The following ESR1 variants were observed in gnomAD, a reference collection of about 807,000 sequenced individuals.
The protein encoded by ESR1 is estrogen receptor 1, also known as estrogen receptor.
In ESR1, 12 loss-of-function variants were observed where a neutral mutation model predicts 52.7. That is an observed-to-expected ratio of 0.23 (90% CI 0.15 to 0.37). ESR1 has a LOEUF of 0.37. ESR1 is among the 10% of genes least tolerant of loss of function. The probability of loss-of-function intolerance (pLI) is 1.00; values close to 1 mark genes in which losing one functional copy is unlikely to be tolerated. For missense variants in ESR1, 584 were observed against 779.7 expected (o/e 0.75, Z 2.99); for synonymous variants, 305 against 316.8 (o/e 0.96, Z 0.39).
intron 2 of ESR1, among the ~76,000 whole-genome samples, chr6:151,863,187 T>C (rs1789209336): frequency 6.6e-6 from 1 of 152,136 alleles, no homozygotes; most frequent in African/African-American, 2.4e-5. Context: ...ATGAAAGTCA[T>C]TGGTAGCTTG....
chr6:151,719,734 C>T (rs761695425), intron 2 of ESR1, among the ~76,000 whole-genome samples: 1 of 152,170 alleles, frequency 6.6e-6, no homozygotes, highest in Non-Finnish European at 1.5e-5. Flanking sequence ...TGGTGATCTT[C>T]CCTTAGATCA....
At chr6:151,762,518 T>C (rs1317205936) in intron 2 of ESR1, among the ~76,000 whole-genome samples, 2 of 152,230 alleles carry the variant, frequency 1.3e-5, no homozygotes, top group Non-Finnish European at 2.9e-5. Flanking sequence ...TCTATGACCT[T>C]GGATGAGTTT....
chr6:151,899,838 T>G (rs1448609528), intron 3 of ESR1, among the ~76,000 whole-genome samples: 2 of 147,832 alleles, frequency 1.4e-5, no homozygotes, highest in East Asian at 4.1e-4. Flanking sequence ...CTAGATGGGA[T>G]GGCGGCCGGG....
At chr6:151,659,668 C>A (rs1706375740) in intron 1 of ESR1, among the ~76,000 whole-genome samples, 1 of 152,146 alleles carries the variant, frequency 6.6e-6, no homozygotes. Context: ...ATTCAGCAGG[C>A]AATGTCTTCT....
intron 2 of ESR1, among the ~76,000 whole-genome samples, chr6:151,753,730 A>G (rs749198556): frequency 1.3e-5 from 2 of 152,190 alleles, no homozygotes; most frequent in African/African-American, 4.8e-5. Flanking sequence ...AGTTTGGCTT[A>G]ACTTTGTTGA....
chr6:151,813,980 CCTT>C (rs1205350803), intron 1 of ESR1: 1 of 152,188 alleles, frequency 6.6e-6, no homozygotes, highest in Non-Finnish European at 1.5e-5. Flanking sequence ...ATTCTCATCT[CCTT>C]CTCAGAAGCC....
chr6:151,683,407 G>A (rs1324020938), intron 1 of ESR1, among the ~76,000 whole-genome samples: 1 of 151,392 alleles, frequency 6.6e-6, no homozygotes, highest in East Asian at 2.0e-4. Context: ...ATGTGGATTG[G>A]AGAGGAACAG....
intron 1 of ESR1, among the ~76,000 whole-genome samples, chr6:151,658,780 G>GA (rs1368864932): frequency 6.6e-6 from 1 of 152,144 alleles, no homozygotes; most frequent in Non-Finnish European, 1.5e-5. Flanking sequence ...ACACCTGAGG[G>GA]AAGAGAGTAT....
chr6:151,697,588 GATC>G (rs1317262385), intron 1 of ESR1, among the ~76,000 whole-genome samples: 5 of 152,174 alleles, frequency 3.3e-5, no homozygotes, highest in Admixed American at 3.3e-4. Context: ...AGAAGAAAAT[GATC>G]ATATTTCTGT....
At chr6:151,676,569 T>C (rs1778259564) in intron 1 of ESR1, among the ~76,000 whole-genome samples, 1 of 152,170 alleles carries the variant, frequency 6.6e-6, no homozygotes, top group African/African-American at 2.4e-5. Flanking sequence ...ACGCTTGAAA[T>C]ATCATGCTCT....
intron 2 of ESR1, among the ~76,000 whole-genome samples, chr6:151,853,745 C>T (rs1165432096): frequency 6.6e-6 from 1 of 152,238 alleles, no homozygotes; most frequent in East Asian, 1.9e-4. Flanking sequence ...CATTTTTCTT[C>T]ATTTTTTGTT....
intron 6 of ESR1, among the ~76,000 whole-genome samples, chr6:152,078,819 C>A (rs910295618): frequency 6.6e-6 from 1 of 152,260 alleles, no homozygotes. Context: ...CCAGGAGATA[C>A]CCTCCCTTGC....
intron 3 of ESR1, among the ~76,000 whole-genome samples, chr6:151,928,334 A>G (rs973565427): frequency 1.3e-5 from 2 of 152,226 alleles, no homozygotes; most frequent in African/African-American, 4.8e-5. Context: ...TGATCTGGCA[A>G]CAAAACACAC....
At chr6:151,799,851 A>C (rs190530397), upstream of ESR1, among the ~76,000 whole-genome samples, 1 of 152,338 alleles carries the variant, frequency 6.6e-6, no homozygotes, top group African/African-American at 2.4e-5. Context: ...GGTAATTTGC[A>C]TACGTGAATA....
chr6:151,657,998 A>T (rs1777514033), intron 1 of ESR1, among the ~76,000 whole-genome samples: 1 of 152,178 alleles, frequency 6.6e-6, no homozygotes, highest in African/African-American at 2.4e-5. Flanking sequence ...ACATTGGAAA[A>T]TTTTGTAGGC....
rs180812603 is a variant in ESR1, at chr6:151,855,748, G to T, written c.643+12961G>T. ...CCTCAAAGCAGCATAATGGGAAAAA[G>T]GGGTATTTCAGAAAAAAATGGTATG... On this transcript the variant is annotated intron_variant, in intron 2 of 7. Coordinates refer to ENST00000206249, the MANE Select transcript of ESR1 (RefSeq NM_000125.4). Among the ~76,000 whole-genome samples the T allele has an allele frequency of 2.7e-3, 413 of 152,242 alleles. 7 individuals carry two copies. Among genetic ancestry groups the T allele is most frequent in the Admixed American group, 0.025 (384 of 15,286 alleles).
In ESR1 at chr6:151,808,285, G is replaced by T. The variant is rs1312779938; in HGVS notation, c.373G>T (p.Gly125Cys). 1.3e-6 allele frequency: 2 copies of T among 1,584,026 alleles called. No individual in the cohort carries two copies. Among genetic ancestry groups the T allele is most frequent in the Non-Finnish European group, 1.7e-6 (2 of 1,166,760 alleles). Residue 125 changes from glycine (G) to cysteine (C), a missense_variant, in exon 1 of 8, where the codon GGC (glycine) becomes TGC (cysteine). This residue lies in a region of ESR1 where 251 missense variants were observed against 246.1 expected (regional missense o/e 1.02). Coordinates refer to ENST00000206249, the MANE Select transcript of ESR1 (RefSeq NM_000125.4). ...PQLSPFLQPH[G>C]QQVPYYLENE... is the part of the protein sequence containing the mutation. Reference sequence around the variant, plus strand: ...GCTGTCGCCTTTCCTGCAGCCCCACGGCCAGCAGGTGCCCTACTACCTGGA... The same window carrying T: ...GCTGTCGCCTTTCCTGCAGCCCCACTGCCAGCAGGTGCCCTACTACCTGGA...
At chr6:151,770,027 CAA>C (rs1166242383) in intron 2 of ESR1, among the ~76,000 whole-genome samples, 22 of 98,690 alleles carry the variant, frequency 2.2e-4, no homozygotes, top group Non-Finnish European at 2.8e-4. Flanking sequence ...GACTCCATCT[CAA>C]AAAAAAAAAA....
At chr6:151,900,951 C>T (rs1318555197) in intron 3 of ESR1, among the ~76,000 whole-genome samples, 3 of 152,180 alleles carry the variant, frequency 2.0e-5, no homozygotes, top group Non-Finnish European at 4.4e-5. Flanking sequence ...TTCAAGACAG[C>T]GTCAGCTGTG....
Sources: allele counts gnomAD v4.1 joint callset (sites outside exome capture counted in the v4.1 genomes callset), GRCh38; gene constraint gnomAD v4.1.1; regional missense constraint gnomAD v4.1.1; transcripts MANE v1.5; gene names NCBI Gene and HGNC (gene_info 2026-07-23, HGNC 2026-07-21).